The following ACTR10 variants were observed in gnomAD, a reference collection of about 807,000 sequenced individuals.
The protein encoded by ACTR10 is actin related protein 10, also known as actin-related protein 10.
A neutral mutation model predicts 56.2 loss-of-function variants in ACTR10; 43 were observed. The observed-to-expected ratio is 0.77, with a 90% confidence interval of 0.60 to 0.99. ACTR10 has a LOEUF of 0.99. ACTR10 is among the 50% of genes least tolerant of loss of function. The pLI is 0.00. For missense variants in ACTR10, 466 were observed against 507.8 expected (o/e 0.92, Z 0.79); for synonymous variants, 170 against 176.3 (o/e 0.96, Z 0.28).
In ACTR10 at chr14:58,234,051, G is replaced by C. The variant is rs116179038; in HGVS notation, c.1073-319G>C. On this transcript the variant is annotated intron_variant, in intron 12 of 12. Transcript: ENST00000254286. ...GAGAGAGAAAACTCAGAATCTTATTGATTGTATTTACACAAAGTTGAAAAT... is the reference window on the plus strand; with the variant it reads ...GAGAGAGAAAACTCAGAATCTTATTCATTGTATTTACACAAAGTTGAAAAT... Among the ~76,000 whole-genome samples, 1,459 of 152,138 alleles carry C rather than the reference G, an allele frequency of 9.6e-3. 27 individuals carry two copies. The highest frequency in any genetic ancestry group is 0.033 in the African/African-American group (1,374 of 41,482).
chr14:58,221,044 G>A (rs1022520354), intron 8 of ACTR10, among the ~76,000 whole-genome samples: 1 of 152,070 alleles, frequency 6.6e-6, no homozygotes, highest in African/African-American at 2.4e-5. Context: ...AGCACTTTGG[G>A]AGGCCGAGGT....
Position 58,223,706 on chromosome 14 carries a change from G to A in ACTR10, c.714+5G>A, listed in dbSNP as rs745423608. The stretch of plus-strand genomic sequence containing the variant: ...AATATTGATGGGAATAATGAGGTAA[G>A]TTTAAAAAAAAAAAAGGCATCTTTT... On this transcript the variant is annotated splice_donor_5th_base_variant and intron_variant, in intron 9 of 12. Coordinates refer to ENST00000254286, the MANE Select transcript of ACTR10 (RefSeq NM_018477.3). 4.8e-5 allele frequency: 76 copies of A among 1,589,358 alleles called. No individual in the cohort carries two copies. The highest frequency in any genetic ancestry group is 6.0e-5 in the Non-Finnish European group (70 of 1,168,800).
chr14:58,209,594 C>G (rs1266322695), intron 4 of ACTR10, among the ~76,000 whole-genome samples: 1 of 151,992 alleles, frequency 6.6e-6, no homozygotes, highest in Non-Finnish European at 1.5e-5. Context: ...TATTCAGTGC[C>G]TCCCTTAGAG....
intron 11 of ACTR10, among the ~76,000 whole-genome samples, chr14:58,231,617 ATTT>A (rs1433349642): frequency 6.6e-6 from 1 of 152,174 alleles, no homozygotes; most frequent in African/African-American, 2.4e-5. Context: ...TAGAACCATA[ATTT>A]TTCTAGGAGT....
intron 7 of ACTR10, among the ~76,000 whole-genome samples, chr14:58,216,907 T>A (rs1420174742): frequency 2.0e-5 from 3 of 152,234 alleles, no homozygotes; most frequent in Non-Finnish European, 4.4e-5. Flanking sequence ...GTCTTATTTA[T>A]TTTTCAATCT....
At chr14:58,226,265 C>T (rs928374464) in intron 10 of ACTR10, among the ~76,000 whole-genome samples, 26 of 151,712 alleles carry the variant, frequency 1.7e-4, no homozygotes, top group African/African-American at 6.3e-4. Context: ...GACCCCATCT[C>T]TTTTTTTCTC....
intron 1 of ACTR10, among the ~76,000 whole-genome samples, chr14:58,201,879 C>T (rs1380433989): frequency 1.3e-5 from 2 of 151,726 alleles, no homozygotes; most frequent in African/African-American, 2.4e-5. Context: ...GTGTCGTGCC[C>T]GAAATCCTAG....
intron 7 of ACTR10, among the ~76,000 whole-genome samples, chr14:58,216,957 G>A (rs1381882473): frequency 6.6e-6 from 1 of 152,120 alleles, no homozygotes; most frequent in Non-Finnish European, 1.5e-5. Flanking sequence ...AATATATGTT[G>A]GAAAGCGAGA....
At chr14:58,205,367 T>G (rs1263411675) in intron 2 of ACTR10, among the ~76,000 whole-genome samples, 1 of 142,102 alleles carries the variant, frequency 7.0e-6, no homozygotes, top group Non-Finnish European at 1.5e-5. Flanking sequence ...CAGGCTGGAG[T>G]GCAGTAGCAT....
At chr14:58,203,479 C>A (rs1888779906) in intron 2 of ACTR10, among the ~76,000 whole-genome samples, 1 of 152,050 alleles carries the variant, frequency 6.6e-6, no homozygotes, top group African/African-American at 2.4e-5. Context: ...GTTTTCATCA[C>A]CCCAGTAAAA....
intron 10 of ACTR10, among the ~76,000 whole-genome samples, chr14:58,224,502 C>T (rs1175477599): frequency 6.6e-6 from 1 of 152,012 alleles, no homozygotes; most frequent in East Asian, 1.9e-4. Flanking sequence ...CCGCCTTGGC[C>T]TCCCAAAGTG....
At position 58,213,697 on chromosome 14, in the gene ACTR10, A is replaced by G. The variant is rs1302031684; in HGVS notation, c.517A>G (p.Lys173Glu). The G allele has an allele frequency of 1.9e-6, 3 of 1,609,866 alleles. No homozygotes were observed. Among genetic ancestry groups the G allele is most frequent in the South Asian group, 1.1e-5 (1 of 90,520 alleles). ...ACCCCTAGGAGGAAAAGCTCTTCAC[A>G]AGTAAGTTTCTTGGAATTTAACATA... ...ALPLGGKALHKELETQLLEQC... is the reference protein window; with the variant it reads ...ALPLGGKALHEELETQLLEQC... The change falls in exon 6 of 13, where the codon AAA becomes GAA. Residue 173 changes from lysine (K) to glutamate (E), a missense_variant and splice_region_variant. By Grantham distance (56) the Lys-to-Glu change is moderately conservative. Transcript: ENST00000254286.
At chr14:58,226,561 A>G (rs1889405631) in intron 10 of ACTR10, among the ~76,000 whole-genome samples, 2 of 151,744 alleles carry the variant, frequency 1.3e-5, no homozygotes, top group Non-Finnish European at 2.9e-5. Context: ...GTTTACTAAC[A>G]TGTTTTTTGT....
At chr14:58,203,302 CAAAA>C (rs11384472) in intron 2 of ACTR10, among the ~76,000 whole-genome samples, 3 of 105,466 alleles carry the variant, frequency 2.8e-5, no homozygotes, top group Non-Finnish European at 5.4e-5. Context: ...GACTTCGTCT[CAAAA>C]AAAAAAAAAA....
At chr14:58,226,221 G>A (rs745961966) in intron 10 of ACTR10, among the ~76,000 whole-genome samples, 4 of 152,126 alleles carry the variant, frequency 2.6e-5, no homozygotes, top group South Asian at 2.1e-4. Flanking sequence ...ATCTATGATT[G>A]TACCACTGTA....
At chr14:58,224,096 G>T (rs1790921944) in intron 10 of ACTR10, among the ~76,000 whole-genome samples, 1 of 151,922 alleles carries the variant, frequency 6.6e-6, no homozygotes, top group African/African-American at 2.4e-5. Context: ...CATCTCCTAG[G>T]TCCAAGCAAT....
At chr14:58,219,789 G>A (rs1467439586) in intron 8 of ACTR10, 60 bp downstream of exon 8, 2 of 1,073,922 alleles carry the variant, frequency 1.9e-6, no homozygotes, top group East Asian at 5.7e-5. Context: ...GAGGGCATAT[G>A]CTTCTAAACA....
Position 58,232,243 on chromosome 14 carries a change from G to T in ACTR10, c.1048G>T (p.Ala350Ser). ...TFRIHTPPAKANCVAWLGGAI... is the reference protein window; with the variant it reads ...TFRIHTPPAKSNCVAWLGGAI... The stretch of plus-strand genomic sequence containing the variant: ...TCGAATTCATACTCCACCTGCAAAA[G>T]CTAATTGTGTGGCCTGGTTGGGAGG... The change falls in exon 12 of 13, where the codon GCT becomes TCT. Residue 350 changes from alanine (A) to serine (S), a missense_variant. Coordinates refer to ENST00000254286, the MANE Select transcript of ACTR10 (RefSeq NM_018477.3). The T allele has an allele frequency of 2.5e-6, 4 of 1,613,394 alleles. No homozygotes were observed. Among genetic ancestry groups the T allele is most frequent in the Non-Finnish European group, 3.4e-6 (4 of 1,179,714 alleles).
chr14:58,200,262 G>A lies in ACTR10; in HGVS notation c.45G>A (p.Ala15=). The A allele has an allele frequency of 2.0e-6, 3 of 1,513,484 alleles. No homozygotes were observed. Among genetic ancestry groups the A allele is most frequent in the Non-Finnish European group, 1.8e-6 (2 of 1,134,684 alleles). 93.8% of individuals were successfully genotyped at this position (1,513,484 alleles called of 1,614,324 possible). The change falls in exon 1 of 13, where the codon GCG becomes GCA. Residue 15 remains alanine (A), a synonymous_variant. Coordinates refer to ENST00000254286, the MANE Select transcript of ACTR10 (RefSeq NM_018477.3). ...TGGGGAGCGGCGGGGAGAAGACGGC[G>A]GTCGTGATCGACCTGGGAGAGGCCT... ...EGLGSGGEKT[A]VVIDLGEAFT...
Sources: gnomAD v4.1 joint callset for allele counts (sites outside exome capture counted in the v4.1 genomes callset) on GRCh38, gnomAD v4.1.1 for gene constraint, MANE v1.5 for transcripts, NCBI Gene and HGNC (gene_info 2026-07-23, HGNC 2026-07-21) for gene names.